Variants in SHANK2 observed in about 807,000 individuals in gnomAD.
SHANK2 encodes SH3 and multiple ankyrin repeat domains protein 2.
In SHANK2, 43 loss-of-function variants were observed where a neutral mutation model predicts 133.7. That is an observed-to-expected ratio of 0.32 (90% CI 0.25 to 0.41). The LOEUF (loss-of-function observed/expected upper bound fraction) is 0.41, where lower values mean the gene tolerates loss of function less well. Ranked by LOEUF, SHANK2 falls within the 10% of genes least tolerant of loss-of-function variation. The probability of loss-of-function intolerance (pLI) is 1.00; values close to 1 mark genes in which losing one functional copy is unlikely to be tolerated. For missense variants in SHANK2, 1,994 were observed against 2,235.8 expected (o/e 0.89, Z 2.18); for synonymous variants, 1,017 against 952.8 (o/e 1.07, Z -1.24).
chr11:70,770,618 C>T (rs191750866), intron 14 of SHANK2, among the ~76,000 whole-genome samples: 18 of 152,188 alleles, frequency 1.2e-4, no homozygotes, highest in Non-Finnish European at 1.6e-4. Flanking sequence ...ATCCAATGGA[C>T]GGCTCTGGGA....
At chr11:70,752,090 ATTTT>A (rs1334981126) in intron 14 of SHANK2, among the ~76,000 whole-genome samples, 1 of 152,128 alleles carries the variant, frequency 6.6e-6, no homozygotes, top group Non-Finnish European at 1.5e-5. Context: ...ATGGAGTTTT[ATTTT>A]TTTATTTAAA....
In SHANK2 at chr11:70,535,972, C is replaced by T. The variant is rs1022884323; in HGVS notation, c.2062-33041G>A. ...CGAGGCTGGTTGACTGAGGGGGCTG[C>T]GTGGGGGCTGGGCCTGAAGCCAGAC... On this transcript the variant is annotated intron_variant, in intron 17 of 25. Transcript: ENST00000601538. This position sits in a 1 kb window ranked among gnomAD's most constrained non-coding sequence, Gnocchi z 4.3. Among the ~76,000 whole-genome samples the T allele has an allele frequency of 1.3e-5, 2 of 152,218 alleles. No homozygotes were observed. The highest frequency in any genetic ancestry group is 1.9e-4 in the East Asian group (1 of 5,192).
chr11:71,086,007 A>ATATG, intron 8 of SHANK2, among the ~76,000 whole-genome samples: 1 of 87,688 alleles, frequency 1.1e-5, no homozygotes. Context: ...GTTATATATT[A>ATATG]TTATATATAA....
chr11:71,160,959 A>G (rs1160307677), intron 2 of SHANK2, among the ~76,000 whole-genome samples: 1 of 152,252 alleles, frequency 6.6e-6, no homozygotes, highest in Non-Finnish European at 1.5e-5. Flanking sequence ...CTGAAAACTA[A>G]GTTTGCAGAC....
intron 9 of SHANK2, among the ~76,000 whole-genome samples, chr11:71,067,772 C>T (rs1257350602): frequency 1.3e-5 from 2 of 151,936 alleles, no homozygotes; most frequent in East Asian, 1.9e-4. Context: ...ATCACCATCA[C>T]TGCCATCATC....
intron 2 of SHANK2, among the ~76,000 whole-genome samples, chr11:71,167,926 ACCC>A (rs1301736220): frequency 7.1e-6 from 1 of 140,822 alleles, no homozygotes; most frequent in Non-Finnish European, 1.5e-5. Flanking sequence ...CGGGGGGCTG[ACCC>A]CCCTACCTCC....
chr11:70,854,015 T>C (rs1949131057), intron 11 of SHANK2, among the ~76,000 whole-genome samples: 1 of 152,206 alleles, frequency 6.6e-6, no homozygotes, highest in Non-Finnish European at 1.5e-5. Context: ...AAGGTCACAT[T>C]CTGAGGTTCA....
chr11:71,166,107 G>C (rs1480053438), intron 2 of SHANK2, among the ~76,000 whole-genome samples: 4 of 152,170 alleles, frequency 2.6e-5, no homozygotes, highest in Admixed American at 2.0e-4. Flanking sequence ...CTGGCAAAAA[G>C]GCAGGGATGA....
intron 17 of SHANK2, among the ~76,000 whole-genome samples, chr11:70,615,290 GGGACTGTCCTCTA>G (rs1308200674): frequency 2.0e-5 from 3 of 152,114 alleles, no homozygotes; most frequent in African/African-American, 7.2e-5. Context: ...TACCTGGTGT[GGGACTGTCCTCTA>G]GGTGGCCTTG....
intron 15 of SHANK2, among the ~76,000 whole-genome samples, chr11:70,667,568 G>A (rs954046480): frequency 3.5e-4 from 54 of 152,174 alleles, no homozygotes; most frequent in Non-Finnish European, 2.2e-4. Context: ...CCCACTGGGC[G>A]CCATGACAGA....
At chr11:70,583,461 A>C (rs2136232745) in intron 17 of SHANK2, among the ~76,000 whole-genome samples, 1 of 152,350 alleles carries the variant, frequency 6.6e-6, no homozygotes, top group South Asian at 2.1e-4. Context: ...TGCCTACAGC[A>C]CAGCAAGTGC....
At chr11:70,695,797 T>A (rs1021004831) in intron 15 of SHANK2, among the ~76,000 whole-genome samples, 3 of 151,756 alleles carry the variant, frequency 2.0e-5, no homozygotes. Flanking sequence ...ACGGGAGGAG[T>A]GGATAAGCAG....
At chr11:71,169,516 C>T (rs1384934362) in intron 2 of SHANK2, among the ~76,000 whole-genome samples, 4 of 152,036 alleles carry the variant, frequency 2.6e-5, no homozygotes, top group Non-Finnish European at 4.4e-5. Flanking sequence ...TTTGGGAGGC[C>T]GAGGCGGGTG....
rs375177697 is a variant in SHANK2, at chr11:70,690,833, G to A, written c.1853+7855C>T. 4.9e-4 allele frequency among the ~76,000 whole-genome samples: 75 copies of A among 152,042 alleles called. 1 individual carries two copies. Among genetic ancestry groups the A allele is most frequent in the African/African-American group, 1.7e-3 (71 of 41,478 alleles). On this transcript the variant is annotated intron_variant, in intron 15 of 25. Coordinates refer to ENST00000601538, the MANE Select transcript of SHANK2 (RefSeq NM_012309.5). Reference sequence around the variant, plus strand: ...CTGGCAAGAACTATTCAAAATTGGAGGTGAGGGTCAAACTATGAAAGCCTC... The same window carrying A: ...CTGGCAAGAACTATTCAAAATTGGAAGTGAGGGTCAAACTATGAAAGCCTC...
intron 11 of SHANK2, among the ~76,000 whole-genome samples, chr11:70,869,358 T>C (rs193134216): frequency 1.3e-5 from 2 of 152,348 alleles, no homozygotes; most frequent in Non-Finnish European, 2.9e-5. Context: ...GAGGACAATG[T>C]ATCGGTCCAC....
intron 17 of SHANK2, among the ~76,000 whole-genome samples, chr11:70,517,203 A>C (rs569304640): frequency 6.6e-6 from 1 of 152,360 alleles, no homozygotes; most frequent in South Asian, 2.1e-4. Flanking sequence ...CAGAATCTCA[A>C]ACACCGACAA....
intron 2 of SHANK2, among the ~76,000 whole-genome samples, chr11:71,161,458 T>C (rs1267412734): frequency 6.6e-6 from 1 of 152,238 alleles, no homozygotes; most frequent in Non-Finnish European, 1.5e-5. Flanking sequence ...TCTTTTTAGA[T>C]CTGTTAAGAG....
At chr11:70,683,786 T>C (rs931256909) in intron 15 of SHANK2, among the ~76,000 whole-genome samples, 7 of 146,796 alleles carry the variant, frequency 4.8e-5, no homozygotes, top group African/African-American at 1.9e-4. Context: ...TGATCTCCTT[T>C]TTGTTTTTTT....
intron 17 of SHANK2, among the ~76,000 whole-genome samples, chr11:70,552,148 C>T (rs530467095): frequency 8.5e-5 from 13 of 152,342 alleles, no homozygotes; most frequent in East Asian, 3.9e-4. Flanking sequence ...GCTTTGACCT[C>T]GGCTTTGAAG....
Sources: allele counts gnomAD v4.1 joint callset (sites outside exome capture counted in the v4.1 genomes callset), GRCh38; gene constraint gnomAD v4.1.1; non-coding constraint Gnocchi (gnomAD v3.1); transcripts MANE v1.5; gene names NCBI Gene and HGNC (gene_info 2026-07-23, HGNC 2026-07-21).